The following TENM2 variants were observed in gnomAD, a reference collection of about 807,000 sequenced individuals.
TENM2 encodes the protein teneurin-2.
Under a neutral mutation model 245.2 loss-of-function variants are expected in TENM2, and 52 were observed. The observed-to-expected ratio is 0.21, with a 90% confidence interval of 0.17 to 0.27. The LOEUF (loss-of-function observed/expected upper bound fraction) is 0.27. TENM2 is among the 10% of genes least tolerant of loss of function. The pLI, the probability that TENM2 is intolerant of heterozygous loss-of-function variation, is 1.00. For synonymous variants in TENM2, 1,363 were observed against 1,438.9 expected (o/e 0.95, Z 1.19); for missense variants, 3,046 against 3,666.8 (o/e 0.83, Z 4.37).
chr5:167,496,973 A>G (rs1412849845), intron 2 of TENM2, among the ~76,000 whole-genome samples: 1 of 152,120 alleles, frequency 6.6e-6, no homozygotes. Flanking sequence ...TTGCATAATT[A>G]GAATCACTAG....
chr5:167,969,536 T>C (rs918369476), intron 4 of TENM2, among the ~76,000 whole-genome samples: 3 of 152,174 alleles, frequency 2.0e-5, no homozygotes, highest in Non-Finnish European at 2.9e-5. Flanking sequence ...CTTGTCCCCT[T>C]TCAACATATC....
At chr5:167,085,238 A>G in the TENM2 span, among the ~76,000 whole-genome samples, 3 of 152,156 alleles carry the variant, frequency 2.0e-5, no homozygotes, top group Non-Finnish European at 2.9e-5. Flanking sequence ...TTTAAAGCAA[A>G]GATGCTGAAA....
At chr5:167,741,297 T>A (rs1404190610) in intron 2 of TENM2, among the ~76,000 whole-genome samples, 3 of 152,166 alleles carry the variant, frequency 2.0e-5, no homozygotes, top group Non-Finnish European at 4.4e-5. Flanking sequence ...TGTCCCAGAT[T>A]AGATGCTCAA....
chr5:167,677,452 C>T (rs1756408830), intron 2 of TENM2, among the ~76,000 whole-genome samples: 1 of 149,274 alleles, frequency 6.7e-6, no homozygotes, highest in Non-Finnish European at 1.5e-5. Flanking sequence ...TTTTTGGTTT[C>T]TCTTGGTTGG....
At chr5:167,941,656 G>A (rs767749007) in intron 3 of TENM2, among the ~76,000 whole-genome samples, 25 of 148,976 alleles carry the variant, frequency 1.7e-4, no homozygotes, top group African/African-American at 5.3e-4. Flanking sequence ...AGACCAGCCC[G>A]GGCAACATAG....
At chr5:167,991,272 A>G (rs939049666) in intron 4 of TENM2, among the ~76,000 whole-genome samples, 6 of 152,236 alleles carry the variant, frequency 3.9e-5, no homozygotes, top group Admixed American at 3.9e-4. Context: ...GTAAAATTGC[A>G]AGACAATGAG....
At chr5:167,733,062 T>A (rs1760547522) in intron 2 of TENM2, among the ~76,000 whole-genome samples, 1 of 141,424 alleles carries the variant, frequency 7.1e-6, no homozygotes, top group African/African-American at 2.7e-5. Flanking sequence ...AATAGTTTCC[T>A]CCATTTTCTC....
chr5:167,019,749 C>T, the TENM2 span, among the ~76,000 whole-genome samples: 52 of 152,164 alleles, frequency 3.4e-4, no homozygotes, highest in Middle Eastern at 3.4e-3. Context: ...GAATTACAGA[C>T]GTGAGCCACC....
At chr5:167,529,224 A>T (rs1471059263) in intron 2 of TENM2, among the ~76,000 whole-genome samples, 1 of 152,148 alleles carries the variant, frequency 6.6e-6, no homozygotes, top group African/African-American at 2.4e-5. Context: ...GTTGAGAAAA[A>T]GCAAATCAGT....
the TENM2 span, among the ~76,000 whole-genome samples, chr5:167,087,524 T>C: frequency 5.1e-3 from 770 of 152,302 alleles, 7 homozygotes; most frequent in African/African-American, 0.017. Context: ...ATTCAGGGGC[T>C]AAGAGAGCAG....
intron 2 of TENM2, among the ~76,000 whole-genome samples, chr5:167,865,362 C>A (rs1487117109): frequency 1.3e-5 from 2 of 152,088 alleles, no homozygotes; most frequent in Admixed American, 6.5e-5. Context: ...CAGCCTCGAC[C>A]TCCTGGGCTC....
At chr5:167,674,804 A>T (rs1392507528) in intron 2 of TENM2, among the ~76,000 whole-genome samples, 1 of 152,074 alleles carries the variant, frequency 6.6e-6, no homozygotes, top group Admixed American at 6.6e-5. Context: ...TATCTTTCTA[A>T]AGCCAGAATT....
chr5:168,047,985 G>C (rs1222941890), intron 6 of TENM2, among the ~76,000 whole-genome samples: 1 of 152,202 alleles, frequency 6.6e-6, no homozygotes, highest in Non-Finnish European at 1.5e-5. Flanking sequence ...TCTCCCAGGA[G>C]ACATGCAGCC....
chr5:167,492,336 AGTTTCATG>A (rs1317401714), intron 2 of TENM2, among the ~76,000 whole-genome samples: 3 of 152,126 alleles, frequency 2.0e-5, no homozygotes, highest in African/African-American at 7.2e-5. Flanking sequence ...TTTGGGACTC[AGTTTCATG>A]GTCTATACAA....
exon 1 of TENM2, chr5:167,284,887 G>A (rs1377291287): frequency 6.4e-7 from 1 of 1,551,772 alleles, no homozygotes. Flanking sequence ...GGACGCTGTG[G>A]CAAAGAGTGT....
intron 2 of TENM2, among the ~76,000 whole-genome samples, chr5:167,730,434 C>T (rs934072704): frequency 6.6e-6 from 1 of 152,116 alleles, no homozygotes; most frequent in Admixed American, 6.5e-5. Context: ...TCTGTAAACA[C>T]CCGTTTTTGG....
chr5:167,192,748 C>A, the TENM2 span, among the ~76,000 whole-genome samples: 1 of 152,116 alleles, frequency 6.6e-6, no homozygotes, highest in Non-Finnish European at 1.5e-5. Flanking sequence ...GGAAATCTCA[C>A]GGTACTAACC....
At chr5:167,349,904 A>G (rs1234654660) in intron 1 of TENM2, among the ~76,000 whole-genome samples, 1 of 145,804 alleles carries the variant, frequency 6.9e-6, no homozygotes, top group East Asian at 1.9e-4. Context: ...TTATAATTTT[A>G]CATATTGGTC....
chr5:167,375,523 T>A, intron 2 of TENM2, 50 bp downstream of exon 4: 1 of 1,504,372 alleles, frequency 6.6e-7, no homozygotes, highest in Non-Finnish European at 8.9e-7. Context: ...CTGCACCACG[T>A]GGGGCTTTGA....
Sources: allele counts gnomAD v4.1 joint callset (sites outside exome capture counted in the v4.1 genomes callset), GRCh38; gene constraint gnomAD v4.1.1; transcripts MANE v1.5; gene names NCBI Gene and HGNC (gene_info 2026-07-23, HGNC 2026-07-21).